The following CNTN4 variants were observed in gnomAD, a reference collection of about 807,000 sequenced individuals.
CNTN4 encodes contactin-4.
CNTN4 carries 77 observed loss-of-function variants against 122.5 expected under a neutral mutation model. The observed-to-expected ratio is 0.63, with a 90% CI of 0.52 to 0.76. The LOEUF is 0.76. Ranked by LOEUF, CNTN4 falls within the 30% of genes least tolerant of loss-of-function variation. The probability of loss-of-function intolerance (pLI) is 0.00; values close to 1 mark genes in which losing one functional copy is unlikely to be tolerated. For synonymous variants in CNTN4, 512 were observed against 447.0 expected, an observed-to-expected ratio of 1.15 and a Z score of -1.83; for missense variants, 1,256 against 1,259.1, an observed-to-expected ratio of 1.00 and a Z score of 0.04.
At chr3:2,876,647 C>T (rs935503574) in intron 8 of CNTN4, among the ~76,000 whole-genome samples, 3 of 152,198 alleles carry the variant, frequency 2.0e-5, no homozygotes, top group Non-Finnish European at 2.9e-5. Context: ...TAAACAAGCA[C>T]GATGTGTTGC....
chr3:2,974,023 G>A (rs780888415), intron 13 of CNTN4, among the ~76,000 whole-genome samples: 1 of 152,146 alleles, frequency 6.6e-6, no homozygotes, highest in African/African-American at 2.4e-5. Flanking sequence ...GAGCAACATA[G>A]TTCTCTTACA....
At chr3:2,484,865 G>C (rs937412813) in intron 3 of CNTN4, among the ~76,000 whole-genome samples, 2 of 152,214 alleles carry the variant, frequency 1.3e-5, no homozygotes, top group African/African-American at 2.4e-5. Flanking sequence ...CCCTCTCTGG[G>C]CTGGCCGAGG....
At chr3:2,929,431 G>A (rs1224500276) in intron 13 of CNTN4, among the ~76,000 whole-genome samples, 1 of 152,126 alleles carries the variant, frequency 6.6e-6, no homozygotes, top group Non-Finnish European at 1.5e-5. Flanking sequence ...TAGAATCCTA[G>A]GATTATAAGG....
At chr3:2,710,599 T>C (rs1035627567) in intron 4 of CNTN4, among the ~76,000 whole-genome samples, 1 of 152,200 alleles carries the variant, frequency 6.6e-6, no homozygotes, top group Non-Finnish European at 1.5e-5. Context: ...ATGGAGAAAG[T>C]GTCCAATCTT....
intron 2 of CNTN4, among the ~76,000 whole-genome samples, chr3:2,295,050 G>C (rs574394741): frequency 6.6e-6 from 1 of 151,678 alleles, no homozygotes; most frequent in East Asian, 2.0e-4. Flanking sequence ...GTGTATATGT[G>C]CCACATTTTC....
intron 3 of CNTN4, among the ~76,000 whole-genome samples, chr3:2,366,170 G>A (rs956169560): frequency 5.9e-5 from 9 of 152,112 alleles, no homozygotes; most frequent in Non-Finnish European, 8.8e-5. Flanking sequence ...TCAATGTTTG[G>A]AAAGCCTCTT....
At position 2,665,900 on chromosome 3, in the gene CNTN4, T is replaced by C. The variant is rs186989914; in HGVS notation, c.56-70315T>C. On this transcript the variant is annotated intron_variant, in intron 4 of 24. Transcript: ENST00000418658. ...TGGAACGGATGCTTTCATCTGCCTT[T>C]TTTCGAAGGTTAGTTGTGGCATTGC... Among the ~76,000 whole-genome samples, 3 of 152,322 alleles carry C rather than the reference T, an allele frequency of 2.0e-5. No homozygotes were observed. The East Asian group carries it at 5.8e-4, about 29-fold the overall frequency.
At chr3:2,416,758 A>G (rs2047429816) in intron 3 of CNTN4, among the ~76,000 whole-genome samples, 1 of 151,898 alleles carries the variant, frequency 6.6e-6, no homozygotes, top group Non-Finnish European at 1.5e-5. Flanking sequence ...GGTTCCCGCC[A>G]TTCTCCTGCC....
rs142487004 is a variant in CNTN4, at chr3:2,926,047, G to T, written c.1358+268G>T. 3.4e-3 allele frequency among the ~76,000 whole-genome samples: 511 copies of T among 152,310 alleles called. 3 individuals are homozygous for T. Among genetic ancestry groups the T allele is most frequent in the Non-Finnish European group, 6.0e-3 (405 of 68,022 alleles). On this transcript the variant is annotated intron_variant, in intron 13 of 24. Transcript: ENST00000418658. ...AGAGCTGCCTGAAGATGAACAGTTA[G>T]AAACATCCTCCTTAATTTAAGCCTG... is the stretch of plus-strand genomic sequence containing the variant.
intron 3 of CNTN4, among the ~76,000 whole-genome samples, chr3:2,384,420 G>T (rs3856841): frequency 6.6e-6 from 1 of 151,870 alleles, no homozygotes; most frequent in Non-Finnish European, 1.5e-5. Flanking sequence ...ACATAAATCC[G>T]CCTGTTAGAT....
intron 2 of CNTN4, among the ~76,000 whole-genome samples, chr3:2,118,642 A>T (rs1454499887): frequency 6.6e-6 from 1 of 152,174 alleles, no homozygotes; most frequent in Non-Finnish European, 1.5e-5. Flanking sequence ...TTTCCTACCG[A>T]TAGGCTTCCA....
chr3:2,290,255 C>T (rs377704556), intron 2 of CNTN4, among the ~76,000 whole-genome samples: 49 of 152,164 alleles, frequency 3.2e-4, no homozygotes, highest in African/African-American at 9.1e-4. Flanking sequence ...AGAGAGCTTC[C>T]GGGCCATAAT....
At chr3:2,713,550 C>A (rs4525842) in intron 4 of CNTN4, among the ~76,000 whole-genome samples, 2 of 151,980 alleles carry the variant, frequency 1.3e-5, no homozygotes, top group Non-Finnish European at 2.9e-5. Flanking sequence ...TAGGGAGGAC[C>A]CCTCTGGAAT....
At position 2,742,470 on chromosome 3, in the gene CNTN4, G is replaced by T. The variant is rs114534524; in HGVS notation, c.183-3052G>T. On this transcript the variant is annotated intron_variant, in intron 5 of 24. Coordinates refer to ENST00000418658, the MANE Select transcript of CNTN4 (RefSeq NM_175607.3). ...GCTGAGGTTTGTATTCAACTGAGTTGGCAGAAAACAAATTCCAAGTCATAA... is the reference window on the plus strand; with the variant it reads ...GCTGAGGTTTGTATTCAACTGAGTTTGCAGAAAACAAATTCCAAGTCATAA... Among the ~76,000 whole-genome samples the T allele has an allele frequency of 0.035, 5,258 of 152,178 alleles. 131 individuals are homozygous for T. The highest frequency in any genetic ancestry group is 0.046 in the Non-Finnish European group (3,125 of 68,002).
At chr3:2,736,064 A>T (rs1418529240) in intron 4 of CNTN4, 151 bp from the exon 5 acceptor site, 2 of 821,662 alleles carry the variant, frequency 2.4e-6, no homozygotes, top group Non-Finnish European at 4.2e-6. Flanking sequence ...CTTCAATGGG[A>T]AATTTTCTTC....
At chr3:2,721,610 A>T (rs541302029) in intron 4 of CNTN4, among the ~76,000 whole-genome samples, 39 of 152,160 alleles carry the variant, frequency 2.6e-4, no homozygotes, top group African/African-American at 9.2e-4. Context: ...TGAGAGAGAG[A>T]GAGAATTTGT....
chr3:2,780,441 C>T (rs932696376), intron 6 of CNTN4, among the ~76,000 whole-genome samples: 1 of 152,170 alleles, frequency 6.6e-6, no homozygotes. Flanking sequence ...GGCATGTTCT[C>T]TTTTATGCAT....
intron 3 of CNTN4, among the ~76,000 whole-genome samples, chr3:2,550,243 T>C (rs74653204): frequency 0.072 from 10,936 of 152,206 alleles, 1,119 homozygotes; most frequent in East Asian, 0.52. Flanking sequence ...TCTGCTAGCT[T>C]TTGAATTTGT....
At chr3:2,192,535 C>T (rs1411330925) in intron 2 of CNTN4, among the ~76,000 whole-genome samples, 1 of 152,126 alleles carries the variant, frequency 6.6e-6, no homozygotes, top group African/African-American at 2.4e-5. Context: ...GCAATCTACT[C>T]ATCTGACAAA....
Sources: gnomAD v4.1 joint callset for allele counts (sites outside exome capture counted in the v4.1 genomes callset) on GRCh38, gnomAD v4.1.1 for gene constraint, MANE v1.5 for transcripts, NCBI Gene and HGNC (gene_info 2026-07-23, HGNC 2026-07-21) for gene names.